SBNO2: variants seen among roughly 807,000 people sequenced by gnomAD.
The protein encoded by SBNO2 is strawberry notch homolog 2, also known as protein strawberry notch homolog 2.
Under a neutral mutation model 146.3 loss-of-function variants are expected in SBNO2, and 89 were observed. That is an observed-to-expected ratio of 0.61 (90% CI 0.51 to 0.73). SBNO2 has a LOEUF of 0.73. Among genes scored for constraint, SBNO2 ranks in the 30% least tolerant of loss-of-function variants. The pLI is 0.00. For synonymous variants in SBNO2, 1,147 were observed against 892.6 expected, an observed-to-expected ratio of 1.29 and a Z score of -5.08; for missense variants, 2,092 against 2,003.7, an observed-to-expected ratio of 1.04 and a Z score of -0.84.
intron 1 of SBNO2, among the ~76,000 whole-genome samples, chr19:1,165,574 C>T (rs774216354): frequency 6.6e-6 from 1 of 151,970 alleles, no homozygotes; most frequent in Non-Finnish European, 1.5e-5. Context: ...ATCTGGGGAA[C>T]CAGACCCCAG....
In SBNO2 at chr19:1,140,761, T is replaced by G. The variant is rs1222349242; in HGVS notation, c.279+6548A>C. On this transcript the variant is annotated intron_variant, in intron 4 of 31. Transcript: ENST00000361757. The surrounding 1 kb of genome is among the most constrained non-coding windows in gnomAD (Gnocchi z 4.4). ...CGGGCAGAGGCTGCTGACCCCGCCT[T>G]GGGCAGGACCAGCCTCTGCTCAGCC... Among the ~76,000 whole-genome samples the G allele has an allele frequency of 6.6e-6, 1 of 150,638 alleles. No individual in the cohort carries two copies. Among genetic ancestry groups the G allele is most frequent in the Non-Finnish European group, 1.5e-5 (1 of 67,540 alleles).
At chr19:1,128,419 T>C (rs1164061462) in intron 4 of SBNO2, 1 of 293,254 alleles carries the variant, frequency 3.4e-6, no homozygotes, top group Admixed American at 5.1e-5. Context: ...TTGAGACGGA[T>C]TCTTACACTG....
rs1051983966 is a variant in SBNO2, at chr19:1,158,690, C to T, written c.-126-4288G>A. On this transcript the variant is annotated intron_variant, in intron 1 of 31. Coordinates refer to ENST00000361757, the MANE Select transcript of SBNO2 (RefSeq NM_014963.3). The surrounding 1 kb of genome is among the most constrained non-coding windows in gnomAD (Gnocchi z 9.9). ...GCCCGGCAGAGGCCACCGCACAGTCCCTGGAGGCCGCATTACCTCAGCCGA... is the reference window on the plus strand; with the variant it reads ...GCCCGGCAGAGGCCACCGCACAGTCTCTGGAGGCCGCATTACCTCAGCCGA... 9.2e-5 allele frequency among the ~76,000 whole-genome samples: 14 copies of T among 152,176 alleles called. No homozygotes were observed. Among genetic ancestry groups the T allele is most frequent in the African/African-American group, 3.4e-4 (14 of 41,444 alleles).
At position 1,154,170 on chromosome 19, in the gene SBNO2, G is replaced by C; in HGVS notation, c.93+14C>G. Reference sequence around the variant, plus strand: ...GACCCCGTCGGGTGGGCCGGGGCCGGGGGTGGGGCTCACCTGCAGGGGCGG... The same window carrying C: ...GACCCCGTCGGGTGGGCCGGGGCCGCGGGTGGGGCTCACCTGCAGGGGCGG... On this transcript the variant is annotated intron_variant, in intron 2 of 31. Transcript: ENST00000361757. The C allele has an allele frequency of 8.4e-7, 1 of 1,196,596 alleles. No homozygotes were observed. Among genetic ancestry groups the C allele is most frequent in the South Asian group, 4.2e-5 (1 of 23,976 alleles). The allele number at this position is 1,196,596 out of a possible 1,614,324, so 74.1% of individuals were successfully genotyped here.
chr19:1,127,893 A>C (rs2079985082), intron 4 of SBNO2, 128 bp from the exon 5 acceptor site: 2 of 810,748 alleles, frequency 2.5e-6, no homozygotes, highest in Admixed American at 4.9e-5. Flanking sequence ...AATGGGAGAC[A>C]CCACGGCCCT....
intron 2 of SBNO2, among the ~76,000 whole-genome samples, chr19:1,153,850 GT>G (rs529446876): frequency 5.3e-5 from 8 of 152,354 alleles, no homozygotes; most frequent in African/African-American, 1.9e-4. Context: ...TATTTTTTAA[GT>G]AATTCCCTCA....
At chr19:1,142,573 G>A (rs1182041071) in intron 4 of SBNO2, among the ~76,000 whole-genome samples, 3 of 152,060 alleles carry the variant, frequency 2.0e-5, no homozygotes, top group Non-Finnish European at 4.4e-5. Context: ...CCAGCTACTC[G>A]GGAGGCTGAG....
intron 4 of SBNO2, among the ~76,000 whole-genome samples, chr19:1,139,773 A>T (rs1436170885): frequency 1.3e-5 from 2 of 151,070 alleles, no homozygotes; most frequent in Non-Finnish European, 3.0e-5. Context: ...CCAGCCTGGG[A>T]GACAGAGTGA....
At chr19:1,138,518 T>C (rs930405221) in intron 4 of SBNO2, among the ~76,000 whole-genome samples, 1 of 151,996 alleles carries the variant, frequency 6.6e-6, no homozygotes, top group Non-Finnish European at 1.5e-5. Flanking sequence ...TACTCCTGGG[T>C]ATGAGCCCAA....
chr19:1,128,518 G>T (rs558122273), intron 4 of SBNO2, among the ~76,000 whole-genome samples: 2 of 151,664 alleles, frequency 1.3e-5, no homozygotes, highest in African/African-American at 4.8e-5. Context: ...TCAGCCTCCC[G>T]AGTAGCTGGG....
In SBNO2 at chr19:1,114,353, C is replaced by T; in HGVS notation, c.1955G>A (p.Ser652Asn). Residue 652 changes from serine to asparagine, a missense_variant, in exon 18 of 32, where the codon AGT becomes AAT. Coordinates refer to ENST00000361757, the MANE Select transcript of SBNO2 (RefSeq NM_014963.3). ...GTCCGACTCCGTGCTGCTGTCGTCA[C>T]TGATGCGGATGACGCCCGCTGTCTC... ...ACETAGVIRI[S>N]DDSSTESDPG... 6.4e-7 allele frequency: 1 copy of T among 1,557,582 alleles called. No homozygotes were observed. The highest frequency in any genetic ancestry group is 8.7e-7 in the Non-Finnish European group (1 of 1,150,976).
chr19:1,156,443 G>C (rs1047730562), intron 1 of SBNO2, among the ~76,000 whole-genome samples: 1 of 152,154 alleles, frequency 6.6e-6, no homozygotes, highest in Admixed American at 6.5e-5. Flanking sequence ...CGGAGGCGGA[G>C]GCGGATCCTC....
intron 1 of SBNO2, among the ~76,000 whole-genome samples, chr19:1,160,471 G>T (rs1333723732): frequency 6.6e-6 from 1 of 152,222 alleles, no homozygotes; most frequent in Non-Finnish European, 1.5e-5. Context: ...GCAGTGGGGA[G>T]ACCCGGGGGA....
intron 7 of SBNO2, 26 bp downstream of exon 7, chr19:1,123,508 G>C (rs745620839): frequency 6.2e-7 from 1 of 1,600,816 alleles, no homozygotes; most frequent in African/African-American, 1.3e-5. Context: ...ACCTGTCCCA[G>C]GGCTGGGTGC....
chr19:1,111,068 C>T lies in SBNO2; in HGVS notation c.2835G>A (p.Val945=). The part of the protein sequence containing the change: ...FRDMKQGLLS[V]GIGGRESRNG... ...TCCGGGACTCCCGGCCACCAATGCC[C>T]ACAGACAGCAGGCCCTGCTTCATGT... The change falls in exon 25 of 32, where the codon GTG becomes GTA. Residue 945 remains valine, a synonymous_variant. Coordinates refer to ENST00000361757, the MANE Select transcript of SBNO2 (RefSeq NM_014963.3). 1 of 1,559,946 alleles carries T rather than the reference C, an allele frequency of 6.4e-7. No homozygotes were observed. The highest frequency in any genetic ancestry group is 1.2e-5 in the South Asian group (1 of 85,218).
intron 1 of SBNO2, among the ~76,000 whole-genome samples, chr19:1,155,730 C>A (rs961349125): frequency 6.6e-6 from 1 of 152,136 alleles, no homozygotes; most frequent in Non-Finnish European, 1.5e-5. Context: ...GACCCCCCGA[C>A]CCCGGCCCCG....
Position 1,144,600 on chromosome 19 carries a change from A to C in SBNO2, c.279+2709T>G, listed in dbSNP as rs1050240158. Among the ~76,000 whole-genome samples, 4 of 151,858 alleles carry C rather than the reference A, an allele frequency of 2.6e-5. No homozygotes were observed. The highest frequency in any genetic ancestry group is 5.9e-5 in the Non-Finnish European group (4 of 67,944). The stretch of plus-strand genomic sequence containing the variant: ...CAGAGACGCAGAGACATAGAGACAT[A>C]GAGACAGAGGCAGAGAGGGAAACAG... On this transcript the variant is annotated intron_variant, in intron 4 of 31. Transcript: ENST00000361757. This position sits in a 1 kb window ranked among gnomAD's most constrained non-coding sequence, Gnocchi z 4.1.
At chr19:1,128,592 C>G (rs1349962978) in intron 4 of SBNO2, among the ~76,000 whole-genome samples, 1 of 151,572 alleles carries the variant, frequency 6.6e-6, no homozygotes, top group Non-Finnish European at 1.5e-5. Context: ...GGGGTTTCAC[C>G]GTGTTGGTCA....
intron 5 of SBNO2, 126 bp from the exon 6 acceptor site, chr19:1,124,148 C>G: frequency 1.1e-6 from 1 of 882,258 alleles, no homozygotes; most frequent in African/African-American, 1.7e-5. Context: ...CCTCGCTCCC[C>G]AGGGCCCTGG....
Sources: allele counts gnomAD v4.1 joint callset (sites outside exome capture counted in the v4.1 genomes callset), GRCh38; gene constraint gnomAD v4.1.1; non-coding constraint Gnocchi (gnomAD v3.1); transcripts MANE v1.5; gene names NCBI Gene and HGNC (gene_info 2026-07-23, HGNC 2026-07-21).